CLMN: variants seen among roughly 807,000 people sequenced by gnomAD.
The protein encoded by CLMN is calmin (calponin-like, transmembrane).
CLMN carries 57 observed loss-of-function variants against 92.7 expected under a neutral mutation model. The ratio of observed to expected loss-of-function variants is 0.61; its 90% CI spans 0.50 to 0.77. The LOEUF (loss-of-function observed/expected upper bound fraction) is 0.77. Ranked by LOEUF, CLMN falls within the 30% of genes least tolerant of loss-of-function variation. The pLI is 0.00. For missense variants in CLMN, 1,158 were observed against 1,237.5 expected, an observed-to-expected ratio of 0.94 and a Z score of 0.96; for synonymous variants, 466 against 470.6, an observed-to-expected ratio of 0.99 and a Z score of 0.13.
chr14:95,297,811 G>GCGCA (rs1399378500), intron 1 of CLMN, among the ~76,000 whole-genome samples: 1 of 145,022 alleles, frequency 6.9e-6, no homozygotes, highest in African/African-American at 2.6e-5. Flanking sequence ...AATATGGCAG[G>GCGCA]CACACACACA....
At chr14:95,219,169 C>G (rs1181100040) in intron 4 of CLMN, among the ~76,000 whole-genome samples, 1 of 152,180 alleles carries the variant, frequency 6.6e-6, no homozygotes, top group East Asian at 1.9e-4. Flanking sequence ...AAATGTGACC[C>G]AAATGGCTGC....
At position 95,213,289 on chromosome 14, in the gene CLMN, C is replaced by T; in HGVS notation, c.538G>A (p.Ala180Thr). The T allele has an allele frequency of 4.3e-6, 7 of 1,613,980 alleles. No homozygotes were observed. The highest frequency in any genetic ancestry group is 5.9e-6 in the Non-Finnish European group (7 of 1,179,960). The change falls in exon 6 of 13, where the codon GCA becomes ACA. Residue 180 changes from alanine to threonine, a missense_variant. Physicochemically the swap from Ala to Thr is moderately conservative, Grantham distance 58. Transcript: ENST00000298912. Reference protein sequence around the residue: ...PPTPTAERSVAISVKDQRKAI... With the variant: ...PPTPTAERSVTISVKDQRKAI... ...TTCCTCTGGTCTTTCACCGATATTG[C>T]CACGCTCCTCTCTGCAGTGGGTGTG...
chr14:95,308,140 T>A (rs1019991319), intron 1 of CLMN, among the ~76,000 whole-genome samples: 1 of 152,200 alleles, frequency 6.6e-6, no homozygotes, highest in Non-Finnish European at 1.5e-5. Context: ...ATCCCCACTC[T>A]TTTGAGATCC....
intron 1 of CLMN, among the ~76,000 whole-genome samples, chr14:95,310,233 A>G (rs1234760424): frequency 6.6e-6 from 1 of 152,174 alleles, no homozygotes; most frequent in Non-Finnish European, 1.5e-5. Context: ...TTTTCTTTAT[A>G]AATTACCCAG....
intron 1 of CLMN, among the ~76,000 whole-genome samples, chr14:95,274,386 A>G (rs1372990593): frequency 6.6e-6 from 1 of 151,844 alleles, no homozygotes; most frequent in Non-Finnish European, 1.5e-5. Flanking sequence ...TATTCTTATT[A>G]CCACCCCTGC....
chr14:95,302,629 G>GA (rs1421720340), intron 1 of CLMN, among the ~76,000 whole-genome samples: 1 of 151,836 alleles, frequency 6.6e-6, no homozygotes, highest in Non-Finnish European at 1.5e-5. Flanking sequence ...TTAAATAAAG[G>GA]AAAAAAACAA....
intron 4 of CLMN, among the ~76,000 whole-genome samples, chr14:95,220,372 T>C (rs1196947494): frequency 2.0e-4 from 31 of 152,210 alleles, no homozygotes; most frequent in Admixed American, 1.8e-3. Flanking sequence ...AGATGGCGTT[T>C]CATCATGTTG....
chr14:95,250,242 G>A (rs1420794680), intron 1 of CLMN, among the ~76,000 whole-genome samples: 1 of 152,202 alleles, frequency 6.6e-6, no homozygotes, highest in Non-Finnish European at 1.5e-5. Flanking sequence ...TTTGTTACTT[G>A]CAGGTGAACG....
At chr14:95,230,250 T>C (rs1442862378) in intron 1 of CLMN, 117 bp from the exon 2 acceptor site, 1 of 932,400 alleles carries the variant, frequency 1.1e-6, no homozygotes, top group East Asian at 2.5e-5. Flanking sequence ...GGGTGTCCCA[T>C]GTAAGAACAG....
At chr14:95,198,461 G>A (rs1263133189) in intron 9 of CLMN, among the ~76,000 whole-genome samples, 1 of 151,974 alleles carries the variant, frequency 6.6e-6, no homozygotes, top group African/African-American at 2.4e-5. Flanking sequence ...CATCAAACGG[G>A]CTGTACCCTC....
intron 1 of CLMN, among the ~76,000 whole-genome samples, chr14:95,242,383 C>T (rs1259290612): frequency 4.0e-5 from 6 of 150,670 alleles, no homozygotes; most frequent in Non-Finnish European, 5.9e-5. Flanking sequence ...CTCAGCCTCC[C>T]GAGCATCTGG....
Position 95,191,691 on chromosome 14 carries a change from T to C in CLMN, c.2882A>G (p.His961Arg), listed in dbSNP as rs768809029. ...SSGEAMSLGS[H>R]SPQSDSLTQL... ...TGTCAGGGAGTCACTCTGCGGGCTG[T>C]GGCTCCCCAGTGACATGGCTTCTCC... The change falls in exon 13 of 13, where the codon CAC becomes CGC. Residue 961 changes from histidine to arginine, a missense_variant. Physicochemically the swap from His to Arg is conservative, Grantham distance 29. Coordinates refer to ENST00000298912, the MANE Select transcript of CLMN (RefSeq NM_024734.4). The surrounding 1 kb of genome is among the most constrained non-coding windows in gnomAD (Gnocchi z 5.3). 4.8e-5 allele frequency: 78 copies of C among 1,612,720 alleles called. No homozygotes were observed. The highest frequency in any genetic ancestry group is 6.4e-5 in the Non-Finnish European group (76 of 1,179,842).
At chr14:95,255,714 C>CAGGCCACACAGAGCTCCTTCAGGA in intron 1 of CLMN, among the ~76,000 whole-genome samples, 1 of 152,268 alleles carries the variant, frequency 6.6e-6, no homozygotes, top group East Asian at 1.9e-4. Context: ...ACGCCCACTT[C>CAGGCCACACAGAGCTCCTTCAGGA]AGGAGCAAGC....
At chr14:95,198,195 A>G (rs576689170) in intron 9 of CLMN, among the ~76,000 whole-genome samples, 68 of 151,116 alleles carry the variant, frequency 4.5e-4, no homozygotes, top group African/African-American at 1.6e-3. Context: ...GATTACAGGC[A>G]CCTGCCACCA....
chr14:95,295,993 A>T (rs376283547), intron 1 of CLMN: 1 of 152,370 alleles, frequency 6.6e-6, no homozygotes. Context: ...CAGAGCCCAA[A>T]AGAGTCTCAC....
At chr14:95,229,218 A>G (rs1008387113) in intron 2 of CLMN, among the ~76,000 whole-genome samples, 2 of 152,182 alleles carry the variant, frequency 1.3e-5, no homozygotes, top group African/African-American at 4.8e-5. Context: ...CTCATGCACC[A>G]GGAGGGCTGA....
chr14:95,234,862 C>A (rs111546758), intron 1 of CLMN, among the ~76,000 whole-genome samples: 1 of 152,184 alleles, frequency 6.6e-6, no homozygotes, highest in Admixed American at 6.5e-5. Flanking sequence ...AAGGGATGCA[C>A]GCATTAGGAG....
chr14:95,270,048 G>C (rs1204791428), intron 1 of CLMN, among the ~76,000 whole-genome samples: 1 of 152,202 alleles, frequency 6.6e-6, no homozygotes, highest in African/African-American at 2.4e-5. Context: ...CAGAACCTAA[G>C]AAGGTAAAAT....
At chr14:95,291,650 G>A (rs544016163) in intron 1 of CLMN, among the ~76,000 whole-genome samples, 4 of 152,128 alleles carry the variant, frequency 2.6e-5, no homozygotes, top group Admixed American at 1.3e-4. Context: ...GTTATTCAGA[G>A]CCCCATAGAT....
Sources: gnomAD v4.1 joint callset for allele counts (sites outside exome capture counted in the v4.1 genomes callset) on GRCh38, gnomAD v4.1.1 for gene constraint, Gnocchi (gnomAD v3.1) non-coding constraint, MANE v1.5 for transcripts, NCBI Gene and HGNC (gene_info 2026-07-23, HGNC 2026-07-21) for gene names.